The following STARD3NL variants were observed in gnomAD, a reference collection of about 807,000 sequenced individuals.
The protein encoded by STARD3NL is STARD3 N-terminal like, also known as STARD3 N-terminal-like protein.
A neutral mutation model predicts 30.9 loss-of-function variants in STARD3NL; 17 were observed. The ratio of observed to expected loss-of-function variants is 0.55; its 90% CI spans 0.38 to 0.82. The LOEUF (loss-of-function observed/expected upper bound fraction) is 0.82, where lower values mean the gene tolerates loss of function less well. Among genes scored for constraint, STARD3NL ranks in the 40% least tolerant of loss-of-function variants. The pLI, the probability that STARD3NL is intolerant of heterozygous loss-of-function variation, is 0.00. For synonymous variants in STARD3NL, 112 were observed against 100.5 expected, an observed-to-expected ratio of 1.11 and a Z score of -0.69; for missense variants, 234 against 277.6, an observed-to-expected ratio of 0.84 and a Z score of 1.12.
intron 1 of STARD3NL, among the ~76,000 whole-genome samples, chr7:38,181,748 C>G (rs893097082): frequency 6.6e-6 from 1 of 152,124 alleles, no homozygotes; most frequent in Non-Finnish European, 1.5e-5. Flanking sequence ...TCTTTAAGAT[C>G]GTTCATGCAA....
intron 1 of STARD3NL, among the ~76,000 whole-genome samples, chr7:38,192,986 C>T (rs1174286202): frequency 1.3e-5 from 2 of 152,014 alleles, no homozygotes; most frequent in African/African-American, 4.8e-5. Flanking sequence ...TGGCTCTTTC[C>T]AAAATCCTTC....
rs115060202 is a variant in STARD3NL at position 38,196,581 on chromosome 7, C to T, written c.-58-10866C>T. ...CTGTTTCTTTTTTTAAAATTTCACT[C>T]GTTTTCACTTGGCACGTTAGGAATT... On this transcript the variant is annotated intron_variant, in intron 1 of 8. Transcript: ENST00000009041. Among the ~76,000 whole-genome samples, 358 of 152,092 alleles carry T rather than the reference C, an allele frequency of 2.4e-3. 3 individuals carry two copies. Among genetic ancestry groups the T allele is most frequent in the African/African-American group, 8.2e-3 (340 of 41,496 alleles).
intron 1 of STARD3NL, among the ~76,000 whole-genome samples, chr7:38,205,871 C>A (rs966900506): frequency 6.6e-6 from 1 of 152,154 alleles, no homozygotes; most frequent in African/African-American, 2.4e-5. Flanking sequence ...TAATCACTAA[C>A]CTGACCTTTA....
chr7:38,226,067 CTT>C lies in STARD3NL; in HGVS notation c.650-2728_650-2727del, dbSNP rs1414657007. On this transcript the variant is annotated intron_variant, in intron 7 of 8. Coordinates refer to ENST00000009041, the MANE Select transcript of STARD3NL (RefSeq NM_032016.4). The stretch of plus-strand genomic sequence containing the variant: ...CTGAGCACTTCAACTTTTCTTCAGT[CTT>C]TTTCTTTCACTCAGAGATAGTTTGT... 1.1e-4 allele frequency among the ~76,000 whole-genome samples: 16 copies of C among 148,176 alleles called. No homozygotes were observed. In the East Asian group the frequency reaches 3.2e-3, roughly 30 times the overall value.
At chr7:38,215,214 C>A in intron 4 of STARD3NL, 109 bp downstream of exon 4, 2 of 1,017,830 alleles carry the variant, frequency 2.0e-6, no homozygotes, top group Non-Finnish European at 3.0e-6. Context: ...AGGTGGAATC[C>A]CACCAGCTTT....
chr7:38,212,520 T>C (rs1785866615), intron 2 of STARD3NL, among the ~76,000 whole-genome samples: 1 of 152,220 alleles, frequency 6.6e-6, no homozygotes, highest in South Asian at 2.1e-4. Flanking sequence ...ATAATCTCCA[T>C]GAAGACATAT....
intron 2 of STARD3NL, among the ~76,000 whole-genome samples, chr7:38,211,407 G>A (rs561793476): frequency 9.2e-5 from 14 of 152,084 alleles, no homozygotes; most frequent in Non-Finnish European, 1.8e-4. Context: ...TGGAGATCAC[G>A]GCGCATGGAA....
chr7:38,216,074 G>A (rs984467007), intron 4 of STARD3NL: 7 of 152,190 alleles, frequency 4.6e-5, no homozygotes, highest in Non-Finnish European at 1.5e-5. Flanking sequence ...AGCTTTTGAT[G>A]ATTGTACCCT....
At chr7:38,197,162 T>TTCTC (rs1227452309) in intron 1 of STARD3NL, among the ~76,000 whole-genome samples, 1 of 145,682 alleles carries the variant, frequency 6.9e-6, no homozygotes, top group Non-Finnish European at 1.5e-5. Context: ...CTTTCTTTCT[T>TTCTC]TCTTTCTTTC....
At chr7:38,214,931 A>G in intron 3 of STARD3NL, 97 bp from the exon 4 acceptor site, 1 of 1,097,866 alleles carries the variant, frequency 9.1e-7, no homozygotes, top group Non-Finnish European at 1.3e-6. Context: ...GTCTCCAGCT[A>G]AATCACAGTA....
rs1786328801 is a variant in STARD3NL at position 38,219,583 on chromosome 7, A to T, written c.572A>T (p.Asp191Val). 1 of 1,610,080 alleles carries T rather than the reference A, an allele frequency of 6.2e-7. No individual in the cohort carries two copies. Among genetic ancestry groups the T allele is most frequent in the Non-Finnish European group, 8.5e-7 (1 of 1,176,914 alleles). ...EEENRLLIVQ[D>V]ASERAALIPG... Reference sequence around the variant, plus strand: ...CTTCCAGGACTCCTGATAGTTCAGGATGCTTCAGAGAGGGCAGCACTTATA... The same window carrying T: ...CTTCCAGGACTCCTGATAGTTCAGGTTGCTTCAGAGAGGGCAGCACTTATA... The change falls in exon 7 of 9, where the codon GAT (aspartate) becomes GTT (valine). Residue 191 changes from aspartate to valine, a missense_variant. By Grantham distance (152) the Asp-to-Val change is radical. Transcript: ENST00000009041.
intron 1 of STARD3NL, among the ~76,000 whole-genome samples, chr7:38,193,645 G>A (rs1051262328): frequency 2.6e-5 from 4 of 152,166 alleles, no homozygotes; most frequent in African/African-American, 9.7e-5. Flanking sequence ...GAGGTTTTAG[G>A]AATAAGCTCT....
At chr7:38,210,754 GTT>G (rs981482956) in intron 2 of STARD3NL, among the ~76,000 whole-genome samples, 9 of 152,086 alleles carry the variant, frequency 5.9e-5, no homozygotes, top group African/African-American at 2.2e-4. Flanking sequence ...AAGGAATTTG[GTT>G]TTCTTTTTAG....
chr7:38,181,753 A>G (rs1404611560), intron 1 of STARD3NL, among the ~76,000 whole-genome samples: 1 of 152,206 alleles, frequency 6.6e-6, no homozygotes, highest in Non-Finnish European at 1.5e-5. Flanking sequence ...AAGATCGTTC[A>G]TGCAACTAAT....
intron 3 of STARD3NL, 121 bp from the exon 4 acceptor site, chr7:38,214,906 TG>T: frequency 3.7e-6 from 3 of 821,754 alleles, no homozygotes; most frequent in Non-Finnish European, 5.9e-6. Context: ...TACAGACCAG[TG>T]CCAGTCCCTG....
intron 6 of STARD3NL, among the ~76,000 whole-genome samples, chr7:38,218,270 A>G (rs972300708): frequency 7.9e-5 from 12 of 152,258 alleles, no homozygotes; most frequent in African/African-American, 1.9e-4. Flanking sequence ...TATAACTTCA[A>G]AAAACAGCAG....
chr7:38,197,384 C>T (rs1391588267), intron 1 of STARD3NL, among the ~76,000 whole-genome samples: 2 of 151,870 alleles, frequency 1.3e-5, no homozygotes, highest in Non-Finnish European at 2.9e-5. Flanking sequence ...CACTGCCATA[C>T]CCAGCTAATT....
At chr7:38,205,871 C>T (rs966900506) in intron 1 of STARD3NL, among the ~76,000 whole-genome samples, 7 of 152,154 alleles carry the variant, frequency 4.6e-5, no homozygotes, top group Non-Finnish European at 8.8e-5. Flanking sequence ...TAATCACTAA[C>T]CTGACCTTTA....
At chr7:38,208,877 A>T (rs1785636608) in intron 2 of STARD3NL, among the ~76,000 whole-genome samples, 1 of 152,234 alleles carries the variant, frequency 6.6e-6, no homozygotes, top group Non-Finnish European at 1.5e-5. Context: ...TAGTATTCTA[A>T]TTCATAGCAT....
Sources: gnomAD v4.1 joint callset for allele counts (sites outside exome capture counted in the v4.1 genomes callset) on GRCh38, gnomAD v4.1.1 for gene constraint, MANE v1.5 for transcripts, NCBI Gene and HGNC (gene_info 2026-07-23, HGNC 2026-07-21) for gene names.